The following ATP8A2 variants were observed in gnomAD, a reference collection of about 807,000 sequenced individuals.
The protein encoded by ATP8A2 is phospholipid-transporting ATPase IB.
ATP8A2 carries 100 observed loss-of-function variants against 165.6 expected under a neutral mutation model. That is an observed-to-expected ratio of 0.60 (90% CI 0.51 to 0.71). ATP8A2 has a LOEUF of 0.71. ATP8A2 is among the 30% of genes least tolerant of loss of function. The pLI is 0.00. For missense variants in ATP8A2, 1,227 were observed against 1,479.5 expected (o/e 0.83, Z 2.80); for synonymous variants, 543 against 548.8 (o/e 0.99, Z 0.15).
intron 1 of ATP8A2, among the ~76,000 whole-genome samples, chr13:25,463,609 G>T (rs368021710): frequency 1.3e-5 from 2 of 152,044 alleles, no homozygotes; most frequent in Non-Finnish European, 2.9e-5. Context: ...TTGCTTCCTC[G>T]CCAGTGACTT....
intron 35 of ATP8A2, among the ~76,000 whole-genome samples, chr13:25,984,242 A>G (rs1220645970): frequency 6.6e-6 from 1 of 151,988 alleles, no homozygotes; most frequent in African/African-American, 2.4e-5. Flanking sequence ...GTCTCAAAAA[A>G]AAAAAGTTAT....
chr13:25,481,668 C>A (rs543296864), intron 2 of ATP8A2, among the ~76,000 whole-genome samples: 1 of 152,168 alleles, frequency 6.6e-6, no homozygotes, highest in Non-Finnish European at 1.5e-5. Flanking sequence ...AGCAGGTGTT[C>A]GTCTTCTCAT....
At chr13:25,746,255 G>T (rs2044029529) in intron 25 of ATP8A2, among the ~76,000 whole-genome samples, 3 of 152,156 alleles carry the variant, frequency 2.0e-5, no homozygotes, top group Admixed American at 1.3e-4. Flanking sequence ...CAAAACTGTC[G>T]TGAAAAGAAG....
chr13:25,999,096 C>G (rs1165401264), intron 35 of ATP8A2, among the ~76,000 whole-genome samples: 1 of 152,156 alleles, frequency 6.6e-6, no homozygotes, highest in Non-Finnish European at 1.5e-5. Context: ...AGAAGAGAGT[C>G]GCACCACAAA....
chr13:25,589,765 C>A, intron 24 of ATP8A2, 66 bp downstream of exon 24: 1 of 960,188 alleles, frequency 1.0e-6, no homozygotes, highest in South Asian at 1.5e-5. Flanking sequence ...TTTCTACTAT[C>A]ATTGATAATC....
At chr13:25,678,520 A>G (rs934558416) in intron 24 of ATP8A2, among the ~76,000 whole-genome samples, 2 of 152,084 alleles carry the variant, frequency 1.3e-5, no homozygotes, top group South Asian at 2.1e-4. Flanking sequence ...TGGCCCTGAG[A>G]GTGTGCCAGC....
chr13:25,383,035 G>A (rs2032907813), intron 1 of ATP8A2, among the ~76,000 whole-genome samples: 1 of 148,972 alleles, frequency 6.7e-6, no homozygotes, highest in African/African-American at 2.5e-5. Context: ...GATTACAGGT[G>A]TGAGCCACCA....
chr13:25,910,335 C>T (rs1233081037), intron 33 of ATP8A2, among the ~76,000 whole-genome samples: 1 of 152,200 alleles, frequency 6.6e-6, no homozygotes, highest in African/African-American at 2.4e-5. Flanking sequence ...TCATGCCTCA[C>T]TGTAAATACC....
chr13:25,433,090 T>G (rs544367673), intron 1 of ATP8A2, among the ~76,000 whole-genome samples: 1 of 152,274 alleles, frequency 6.6e-6, no homozygotes, highest in South Asian at 2.1e-4. Context: ...TGCTGCAAGG[T>G]CTGTCTGCAT....
intron 24 of ATP8A2, among the ~76,000 whole-genome samples, chr13:25,693,081 G>A (rs2042760114): frequency 1.3e-5 from 2 of 152,150 alleles, no homozygotes; most frequent in South Asian, 4.2e-4. Context: ...TCAGTAATTG[G>A]CTTTTTATTA....
rs1427723842 is a variant in ATP8A2, at chr13:26,023,661, C to T, written c.*3676C>T. The T allele has an allele frequency of 1.3e-5, 2 of 152,166 alleles. No homozygotes were observed. The highest frequency in any genetic ancestry group is 4.8e-5 in the African/African-American group (2 of 41,444). The allele number at this position is 152,166 out of a possible 1,614,324, so 9.4% of individuals were successfully genotyped here. ...CATAAAGCATTTTTATCAGGTACCT[C>T]TGTTCCAAGGGATTTATGTCTTAGA... On this transcript the variant is annotated 3_prime_UTR_variant, in exon 37 of 37. Transcript: ENST00000381655.
At chr13:25,994,932 T>C (rs1471750544) in intron 35 of ATP8A2, among the ~76,000 whole-genome samples, 6 of 152,072 alleles carry the variant, frequency 3.9e-5, no homozygotes, top group African/African-American at 1.4e-4. Context: ...TGGAAGAGAT[T>C]ATGTAGAACT....
chr13:25,513,217 T>C (rs143842873), intron 2 of ATP8A2, among the ~76,000 whole-genome samples: 8,936 of 146,900 alleles, frequency 0.061, 339 homozygotes, highest in South Asian at 0.14. Context: ...GGTTGCCAGG[T>C]GGAGGGTCTC....
chr13:25,947,114 G>A (rs1955234195), intron 33 of ATP8A2, among the ~76,000 whole-genome samples: 1 of 152,120 alleles, frequency 6.6e-6, no homozygotes, highest in African/African-American at 2.4e-5. Context: ...AGATCCAGGA[G>A]GATATATCTT....
chr13:25,466,850 C>T (rs1384934483), intron 1 of ATP8A2, among the ~76,000 whole-genome samples: 1 of 152,160 alleles, frequency 6.6e-6, no homozygotes, highest in Non-Finnish European at 1.5e-5. Context: ...TGCAGTGAGA[C>T]AGAGCATCCA....
intron 27 of ATP8A2, among the ~76,000 whole-genome samples, chr13:25,812,003 A>G (rs912474184): frequency 2.6e-5 from 4 of 152,120 alleles, no homozygotes; most frequent in Admixed American, 1.3e-4. Context: ...CCCTCTCTAC[A>G]TTACAGCTTT....
intron 24 of ATP8A2, among the ~76,000 whole-genome samples, chr13:25,664,993 G>A (rs1225805222): frequency 6.7e-6 from 1 of 148,270 alleles, no homozygotes; most frequent in Non-Finnish European, 1.5e-5. Context: ...TGTGGCATCA[G>A]AGATTGAAAA....
intron 24 of ATP8A2, among the ~76,000 whole-genome samples, chr13:25,635,213 G>A (rs1344700043): frequency 6.6e-6 from 1 of 152,140 alleles, no homozygotes; most frequent in African/African-American, 2.4e-5. Context: ...AACACACTTA[G>A]AGAGCATTGT....
intron 35 of ATP8A2, among the ~76,000 whole-genome samples, chr13:25,983,822 C>T (rs1256920789): frequency 6.6e-6 from 1 of 152,116 alleles, no homozygotes; most frequent in Non-Finnish European, 1.5e-5. Context: ...AGAATGGGAA[C>T]ACAATGTGAA....
Sources: allele counts gnomAD v4.1 joint callset (sites outside exome capture counted in the v4.1 genomes callset), GRCh38; gene constraint gnomAD v4.1.1; transcripts MANE v1.5; gene names NCBI Gene and HGNC (gene_info 2026-07-23, HGNC 2026-07-21).